MAGED1: variants seen among roughly 807,000 people sequenced by gnomAD.
MAGED1 encodes the protein MAGE family member D1.
MAGED1 carries 3 observed loss-of-function variants against 54.1 expected under a neutral mutation model. The observed-to-expected ratio is 0.06, with a 90% CI of 0.03 to 0.14. MAGED1 has a LOEUF of 0.14. Ranked by LOEUF, MAGED1 falls within the 10% of genes least tolerant of loss-of-function variation. The pLI is 1.00. For synonymous variants in MAGED1, 217 were observed against 227.3 expected (o/e 0.95, Z 0.41); for missense variants, 485 against 623.4 (o/e 0.78, Z 2.36).
At chrX:51,813,063 G>A (rs1427063570) in intron 1 of MAGED1, among the ~76,000 whole-genome samples, 1 of 82,672 alleles carries the variant, frequency 1.2e-5, no homozygotes, top group East Asian at 3.6e-4. Flanking sequence ...CACTCTTGTT[G>A]CCCAGGCTGG....
chrX:51,868,500 A>G (rs890220652), intron 1 of MAGED1, among the ~76,000 whole-genome samples: 2 of 111,291 alleles, frequency 1.8e-5, no homozygotes, highest in Non-Finnish European at 3.8e-5. Flanking sequence ...AATGGTGTCA[A>G]TGGGGACAGT....
At chrX:51,841,511 A>G (rs1386260368) in intron 1 of MAGED1, among the ~76,000 whole-genome samples, 2 of 111,289 alleles carry the variant, frequency 1.8e-5, no homozygotes, top group Non-Finnish European at 3.8e-5. Context: ...GTCCTTGCCC[A>G]TGCCTATGTC....
At chrX:51,874,699 A>G (rs1304707954) in intron 1 of MAGED1, among the ~76,000 whole-genome samples, 1 of 111,125 alleles carries the variant, frequency 9.0e-6, no homozygotes, top group Non-Finnish European at 1.9e-5. Context: ...GGAAATAGTT[A>G]TAATGGCTTT....
Position 51,898,305 on chromosome X carries a change from C to T in MAGED1, c.1759C>T (p.Arg587Cys), listed in dbSNP as rs1279409349. 1.7e-6 allele frequency: 2 copies of T among 1,209,131 alleles called. No homozygotes were observed. Among genetic ancestry groups the T allele is most frequent in the Non-Finnish European group, 2.2e-6 (2 of 894,851 alleles). Residue 587 changes from arginine to cysteine, a missense_variant, in exon 9 of 13, where the codon CGC becomes TGC. Transcript: ENST00000326587. ...ASEAVLWEALRKMGLRPGVRH... is the reference protein window; with the variant it reads ...ASEAVLWEALCKMGLRPGVRH... ...TGCAGCTGTCCTCTGGGAGGCACTA[C>T]GCAAGATGGGACTGCGTCCTGGGTA...
chrX:51,894,380 C>T, intron 2 of MAGED1, 31 bp downstream of exon 2: 1 of 1,166,945 alleles, frequency 8.6e-7, no homozygotes, highest in Non-Finnish European at 1.2e-6. Context: ...CCCACCATTT[C>T]CCCAGCCGAC....
At chrX:51,840,533 A>G (rs2146970082) in intron 1 of MAGED1, among the ~76,000 whole-genome samples, 1 of 109,701 alleles carries the variant, frequency 9.1e-6, no homozygotes, top group African/African-American at 3.3e-5. Context: ...TGCTGCACCC[A>G]TTAACTCGTC....
chrX:51,806,911 C>T (rs1557355143), intron 1 of MAGED1, among the ~76,000 whole-genome samples: 1 of 110,318 alleles, frequency 9.1e-6, no homozygotes, highest in African/African-American at 3.3e-5. Context: ...CCTCAGCCTC[C>T]CGAGTAGCTG....
At chrX:51,898,040 G>T (rs1372844599) in intron 7 of MAGED1, 74 bp from the exon 8 acceptor site, 1 of 986,641 alleles carries the variant, frequency 1.0e-6, no homozygotes, top group Non-Finnish European at 1.4e-6. Context: ...TATTGGGGAG[G>T]CTAGATGGGC....
chrX:51,820,059 A>G (rs995912830), intron 1 of MAGED1, among the ~76,000 whole-genome samples: 3 of 111,426 alleles, frequency 2.7e-5, no homozygotes, highest in Non-Finnish European at 5.7e-5. Flanking sequence ...TATACTTGGC[A>G]CTCTTGTCAA....
At chrX:51,820,051 T>C in intron 1 of MAGED1, among the ~76,000 whole-genome samples, 1 of 111,786 alleles carries the variant, frequency 8.9e-6, no homozygotes, top group Non-Finnish European at 1.9e-5. Context: ...TGAGAGACTA[T>C]ACTTGGCACT....
At chrX:51,870,202 A>G (rs1443309605) in intron 1 of MAGED1, among the ~76,000 whole-genome samples, 1 of 111,921 alleles carries the variant, frequency 8.9e-6, no homozygotes, top group Non-Finnish European at 1.9e-5. Context: ...TTAAAAAGTG[A>G]GGCTTGTATT....
At chrX:51,812,042 G>C (rs940172795) in intron 1 of MAGED1, among the ~76,000 whole-genome samples, 1 of 110,578 alleles carries the variant, frequency 9.0e-6, no homozygotes, top group Non-Finnish European at 1.9e-5. Flanking sequence ...TATGCTAGAG[G>C]AGAGACCAAG....
At chrX:51,891,716 G>A (rs1188330563), upstream of MAGED1, among the ~76,000 whole-genome samples, 3 of 112,228 alleles carry the variant, frequency 2.7e-5, no homozygotes, top group African/African-American at 9.7e-5. Flanking sequence ...AGGAGGAGGC[G>A]TATGAAGGAA....
chrX:51,901,635 C>T lies in MAGED1; in HGVS notation c.2042C>T (p.Ala681Val). ...GCCTTGGATGCTCTGGATGCTGCTGCAGCTGAGGCCGAAGCCCGGGCTGAA... is the reference window on the plus strand; with the variant it reads ...GCCTTGGATGCTCTGGATGCTGCTGTAGCTGAGGCCGAAGCCCGGGCTGAA... ...DEALDALDAA[A>V]AEAEARAEAR... Residue 681 changes from alanine to valine, a missense_variant, in exon 12 of 13, where the codon GCA becomes GTA. Coordinates refer to ENST00000326587, the MANE Select transcript of MAGED1 (RefSeq NM_006986.4). 1 of 1,209,789 alleles carries T rather than the reference C, an allele frequency of 8.3e-7. No homozygotes were observed. Among genetic ancestry groups the T allele is most frequent in the Non-Finnish European group, 1.1e-6 (1 of 894,581 alleles).
At chrX:51,842,563 T>C (rs1427646938) in intron 1 of MAGED1, among the ~76,000 whole-genome samples, 1 of 112,020 alleles carries the variant, frequency 8.9e-6, no homozygotes, top group Non-Finnish European at 1.9e-5. Flanking sequence ...GAGGTCAGGC[T>C]ATCAGAAGCT....
At position 51,898,764 on chromosome X, in the gene MAGED1, A is replaced by C; in HGVS notation, c.1844+121A>C. On this transcript the variant is annotated intron_variant, in intron 10 of 12. Coordinates refer to ENST00000326587, the MANE Select transcript of MAGED1 (RefSeq NM_006986.4). ...ATGCCTGTAATCCCAGTACTTTGGG[A>C]GGCTCAGGTGGGCAGATCGCTTGAG... 6.1e-6 allele frequency: 4 copies of C among 654,728 alleles called. No homozygotes were observed. The South Asian group carries it at 1.3e-4, about 21-fold the overall frequency. 54.0% of individuals were successfully genotyped at this position (654,728 alleles called of 1,213,427 possible).
At chrX:51,839,547 A>T (rs1440620060) in intron 1 of MAGED1, among the ~76,000 whole-genome samples, 2 of 111,780 alleles carry the variant, frequency 1.8e-5, no homozygotes, top group Non-Finnish European at 3.8e-5. Flanking sequence ...TATTATATAA[A>T]ATTCAGCCTT....
At chrX:51,866,377 G>A (rs994156948) in intron 1 of MAGED1, among the ~76,000 whole-genome samples, 4 of 111,787 alleles carry the variant, frequency 3.6e-5, no homozygotes, top group African/African-American at 9.8e-5. Context: ...TGGAAACGAG[G>A]TCACATGTGA....
intron 1 of MAGED1, among the ~76,000 whole-genome samples, chrX:51,826,000 G>A (rs929183017): frequency 1.2e-4 from 13 of 112,362 alleles, no homozygotes; most frequent in African/African-American, 3.9e-4. Context: ...CAGTTCTTTA[G>A]AACTGAAGCT....
Sources: gnomAD v4.1 joint callset for allele counts (sites outside exome capture counted in the v4.1 genomes callset) on GRCh38, gnomAD v4.1.1 for gene constraint, MANE v1.5 for transcripts, NCBI Gene and HGNC (gene_info 2026-07-23, HGNC 2026-07-21) for gene names.